ARHGAP15: variants seen among roughly 807,000 people sequenced by gnomAD.
The protein encoded by ARHGAP15 is rho GTPase-activating protein 15.
Under a neutral mutation model 63.7 loss-of-function variants are expected in ARHGAP15, and 51 were observed. The ratio of observed to expected loss-of-function variants is 0.80; its 90% CI spans 0.64 to 1.01. The LOEUF (loss-of-function observed/expected upper bound fraction) is 1.01, where lower values mean the gene tolerates loss of function less well. Among genes scored for constraint, ARHGAP15 ranks in the 50% least tolerant of loss-of-function variants. ARHGAP15 has a pLI of 0.00. For missense variants in ARHGAP15, 560 were observed against 564.6 expected (o/e 0.99, Z 0.08); for synonymous variants, 191 against 193.8 (o/e 0.99, Z 0.12).
Position 143,575,261 on chromosome 2 carries a change from T to G in ARHGAP15, c.1003+18776T>G, listed in dbSNP as rs1411163525. ...TTACTACTTTTTCAAATTTCTCCAT[T>G]GGAGGCATGGATTTTAAAACTGTTT... is the stretch of plus-strand genomic sequence containing the variant. On this transcript the variant is annotated intron_variant, in intron 11 of 13. Transcript: ENST00000295095. Among the ~76,000 whole-genome samples the G allele has an allele frequency of 2.6e-5, 4 of 152,160 alleles. No individual in the cohort carries two copies. The East Asian group carries it at 7.7e-4, about 29-fold the overall frequency.
At chr2:143,667,438 G>T (rs906096101) in intron 12 of ARHGAP15, among the ~76,000 whole-genome samples, 2 of 98,116 alleles carry the variant, frequency 2.0e-5, no homozygotes, top group Non-Finnish European at 4.1e-5. Flanking sequence ...GGGGAGGGGG[G>T]AGAGATAGCA....
chr2:143,328,866 A>G (rs2105248383), intron 6 of ARHGAP15, among the ~76,000 whole-genome samples: 1 of 152,366 alleles, frequency 6.6e-6, no homozygotes, highest in South Asian at 2.1e-4. Flanking sequence ...GAAATGATAA[A>G]TGCTTGAGGT....
At chr2:143,580,136 G>A (rs1474032124) in intron 11 of ARHGAP15, among the ~76,000 whole-genome samples, 2 of 151,408 alleles carry the variant, frequency 1.3e-5, no homozygotes, top group South Asian at 2.1e-4. Flanking sequence ...GTAGAAACTC[G>A]AACAATTTTT....
intron 5 of ARHGAP15, among the ~76,000 whole-genome samples, chr2:143,231,852 A>G (rs1353807934): frequency 6.6e-6 from 1 of 152,156 alleles, no homozygotes; most frequent in East Asian, 1.9e-4. Flanking sequence ...GTATCCTCAC[A>G]TGGCAGAGGG....
At chr2:143,665,452 G>A (rs1424186850) in intron 12 of ARHGAP15, among the ~76,000 whole-genome samples, 2 of 66,446 alleles carry the variant, frequency 3.0e-5, no homozygotes, top group Non-Finnish European at 6.1e-5. Context: ...CAAACCCACA[G>A]CCAATATCAT....
intron 9 of ARHGAP15, among the ~76,000 whole-genome samples, chr2:143,496,217 G>T (rs934853758): frequency 2.6e-5 from 4 of 152,036 alleles, no homozygotes; most frequent in African/African-American, 9.7e-5. Flanking sequence ...GTTAGCTTTT[G>T]TTCAATAATA....
intron 13 of ARHGAP15, among the ~76,000 whole-genome samples, chr2:143,723,422 G>A (rs1257569637): frequency 6.6e-6 from 1 of 152,234 alleles, no homozygotes; most frequent in East Asian, 1.9e-4. Flanking sequence ...CGGAGCAATT[G>A]TTTTGGTGTT....
chr2:143,619,883 T>G (rs1698589013), intron 11 of ARHGAP15, among the ~76,000 whole-genome samples: 1 of 152,202 alleles, frequency 6.6e-6, no homozygotes, highest in Non-Finnish European at 1.5e-5. Context: ...CTATACAGCC[T>G]GCAGAACTGT....
chr2:143,154,513 G>A (rs1051888945), intron 1 of ARHGAP15, among the ~76,000 whole-genome samples: 13 of 151,776 alleles, frequency 8.6e-5, no homozygotes, highest in Non-Finnish European at 2.9e-5. Flanking sequence ...CACAGTGCTC[G>A]GAGCCCGCTA....
intron 11 of ARHGAP15, among the ~76,000 whole-genome samples, chr2:143,567,572 A>G (rs1650927815): frequency 6.6e-6 from 1 of 152,210 alleles, no homozygotes; most frequent in East Asian, 1.9e-4. Flanking sequence ...AGATTTGGGA[A>G]GAAGAGGAGG....
At chr2:143,670,441 G>C (rs1682459658) in intron 12 of ARHGAP15, among the ~76,000 whole-genome samples, 1 of 152,200 alleles carries the variant, frequency 6.6e-6, no homozygotes, top group African/African-American at 2.4e-5. Context: ...CAGTGCAAAG[G>C]ATGCGGAAGA....
At chr2:143,234,444 A>C (rs1693562495) in intron 5 of ARHGAP15, among the ~76,000 whole-genome samples, 1 of 152,178 alleles carries the variant, frequency 6.6e-6, no homozygotes, top group Admixed American at 6.5e-5. Flanking sequence ...GCCTAGGATA[A>C]ATGTGTCCTA....
chr2:143,345,730 T>C (rs79185341), intron 6 of ARHGAP15, among the ~76,000 whole-genome samples: 1,802 of 152,264 alleles, frequency 0.012, 33 homozygotes, highest in African/African-American at 0.041. Flanking sequence ...GCTAGAATGC[T>C]AGGCATATGA....
chr2:143,320,940 C>T (rs1683990505), intron 6 of ARHGAP15, among the ~76,000 whole-genome samples: 1 of 152,174 alleles, frequency 6.6e-6, no homozygotes, highest in Non-Finnish European at 1.5e-5. Flanking sequence ...TTAGGTACAG[C>T]TGTTCCTAGC....
At chr2:143,642,058 G>A (rs931010410) in intron 12 of ARHGAP15, among the ~76,000 whole-genome samples, 1 of 151,990 alleles carries the variant, frequency 6.6e-6, no homozygotes, top group Non-Finnish European at 1.5e-5. Context: ...TAAAACACCA[G>A]TAAATATTAA....
At chr2:143,757,454 T>G (rs1686619079) in intron 13 of ARHGAP15, among the ~76,000 whole-genome samples, 2 of 152,088 alleles carry the variant, frequency 1.3e-5, no homozygotes, top group African/African-American at 4.8e-5. Flanking sequence ...GAGATTTCAT[T>G]GAGCCGAGAC....
chr2:143,195,669 A>G (rs1037483030), intron 2 of ARHGAP15, among the ~76,000 whole-genome samples: 5 of 152,180 alleles, frequency 3.3e-5, no homozygotes, highest in Non-Finnish European at 7.4e-5. Context: ...CTTTTCATCC[A>G]AGTATCCAGG....
chr2:143,461,080 A>G (rs1041833934), intron 8 of ARHGAP15, among the ~76,000 whole-genome samples: 11 of 152,208 alleles, frequency 7.2e-5, no homozygotes, highest in African/African-American at 2.6e-4. Flanking sequence ...GCCTCGGGTC[A>G]GGAGTTTGAG....
chr2:143,202,940 T>G (rs1692179745), intron 3 of ARHGAP15, among the ~76,000 whole-genome samples: 1 of 152,150 alleles, frequency 6.6e-6, no homozygotes, highest in African/African-American at 2.4e-5. Context: ...TAAAAACACG[T>G]AAGACCAACC....
Sources: allele counts gnomAD v4.1 joint callset (sites outside exome capture counted in the v4.1 genomes callset), GRCh38; gene constraint gnomAD v4.1.1; transcripts MANE v1.5; gene names NCBI Gene and HGNC (gene_info 2026-07-23, HGNC 2026-07-21).